The following ACAD11 variants were observed in gnomAD, a reference collection of about 807,000 sequenced individuals.
ACAD11 encodes the protein acyl-CoA dehydrogenase family member 11, also known as acyl-Coenzyme A dehydrogenase family, member 11.
A neutral mutation model predicts 102.2 loss-of-function variants in ACAD11; 83 were observed. The ratio of observed to expected loss-of-function variants is 0.81; its 90% confidence interval spans 0.68 to 0.97. The LOEUF (loss-of-function observed/expected upper bound fraction) is 0.97. ACAD11 is among the 50% of genes least tolerant of loss of function. ACAD11 has a pLI of 0.00. For synonymous variants in ACAD11, 324 were observed against 319.8 expected (o/e 1.01, Z -0.14); for missense variants, 901 against 951.7 (o/e 0.95, Z 0.70).
intron 17 of ACAD11, among the ~76,000 whole-genome samples, chr3:132,568,848 T>TA (rs1937296277): frequency 7.6e-6 from 1 of 131,446 alleles, no homozygotes; most frequent in East Asian, 2.2e-4. Context: ...CTAAGTTTCA[T>TA]ACAAAAGTTA....
At chr3:132,575,987 A>T in intron 16 of ACAD11, 61 bp from the exon 17 acceptor site, 1 of 1,575,292 alleles carries the variant, frequency 6.3e-7, no homozygotes, top group African/African-American at 1.3e-5. Flanking sequence ...TCCTTTTGTT[A>T]TTTATACAAA....
At chr3:132,602,971 T>G (rs2107824896) in intron 13 of ACAD11, among the ~76,000 whole-genome samples, 1 of 151,980 alleles carries the variant, frequency 6.6e-6, no homozygotes, top group South Asian at 2.1e-4. Flanking sequence ...CCTGGCTAAT[T>G]TTTGTATTTT....
intron 15 of ACAD11, chr3:132,578,594 T>A: frequency 4.9e-6 from 1 of 205,802 alleles, no homozygotes; most frequent in Non-Finnish European, 9.3e-6. Context: ...ATTTATATAA[T>A]TATAAATTAC....
chr3:132,592,252 TAG>T (rs1435574108), intron 13 of ACAD11, among the ~76,000 whole-genome samples: 7 of 152,172 alleles, frequency 4.6e-5, no homozygotes, highest in African/African-American at 1.4e-4. Flanking sequence ...CCTTCTTTTA[TAG>T]AGAGTTTTGC....
At chr3:132,616,060 C>T (rs1437341846) in intron 11 of ACAD11, among the ~76,000 whole-genome samples, 2 of 152,184 alleles carry the variant, frequency 1.3e-5, no homozygotes, top group African/African-American at 4.8e-5. Flanking sequence ...ATCAATTATA[C>T]TGCCTTCTTC....
chr3:132,572,732 C>A (rs911724884), intron 17 of ACAD11, among the ~76,000 whole-genome samples: 9 of 152,120 alleles, frequency 5.9e-5, no homozygotes, highest in African/African-American at 2.2e-4. Flanking sequence ...AGAAATGGGG[C>A]CACATACCTA....
intron 1 of ACAD11, among the ~76,000 whole-genome samples, chr3:132,648,047 G>A (rs1280531598): frequency 1.3e-5 from 2 of 152,142 alleles, no homozygotes; most frequent in African/African-American, 2.4e-5. Context: ...TACCTTAGGA[G>A]TAAGGATTTC....
intron 13 of ACAD11, among the ~76,000 whole-genome samples, chr3:132,583,800 G>A (rs567027886): frequency 2.0e-5 from 3 of 152,074 alleles, no homozygotes; most frequent in East Asian, 1.9e-4. Context: ...CCTTCATTTC[G>A]TTATGTACCT....
At chr3:132,612,939 T>C (rs952117439) in intron 11 of ACAD11, among the ~76,000 whole-genome samples, 3 of 152,018 alleles carry the variant, frequency 2.0e-5, no homozygotes, top group African/African-American at 4.8e-5. Context: ...ATGTTTATTG[T>C]GGCACTATTC....
At chr3:132,580,157 A>T (rs1322154337) in intron 13 of ACAD11, among the ~76,000 whole-genome samples, 2 of 152,102 alleles carry the variant, frequency 1.3e-5, no homozygotes, top group Non-Finnish European at 2.9e-5. Flanking sequence ...ACTGGATCAG[A>T]TTAAGTTAAA....
In ACAD11 at chr3:132,644,863, CTGGAGATAAAAGGTTGGAT is replaced by C. The variant is rs774147270; in HGVS notation, c.164_182del (p.Asn55ArgfsTer60). ...TGAGCACATATGTTTGAAAGCCCTT[CTGGAGATAAAAGGTTGGAT>C]TGGACTTTCCTGCTCTAGATAAAAG... On this transcript the variant is annotated frameshift_variant, in exon 2 of 20. Coordinates refer to ENST00000264990, the MANE Select transcript of ACAD11 (RefSeq NM_032169.5). LOFTEE classifies it high-confidence loss of function. 9.9e-6 allele frequency: 16 copies of C among 1,611,208 alleles called. No homozygotes were observed. The highest frequency in any genetic ancestry group is 2.5e-6 in the Non-Finnish European group (3 of 1,179,168).
At chr3:132,640,446 G>A (rs1244965645) in intron 4 of ACAD11, among the ~76,000 whole-genome samples, 2 of 152,084 alleles carry the variant, frequency 1.3e-5, no homozygotes, top group African/African-American at 4.8e-5. Flanking sequence ...TATTTTACAG[G>A]TATGAATAGT....
intron 1 of ACAD11, among the ~76,000 whole-genome samples, chr3:132,655,142 G>A (rs1353852631): frequency 6.6e-6 from 1 of 152,218 alleles, no homozygotes. Flanking sequence ...TATGCAGCAT[G>A]TGACTATATA....
chr3:132,571,472 T>C (rs1937379258), intron 17 of ACAD11, among the ~76,000 whole-genome samples: 2 of 152,160 alleles, frequency 1.3e-5, no homozygotes, highest in Admixed American at 1.3e-4. Context: ...CTGTTGATAG[T>C]TTCTTTTGCC....
intron 13 of ACAD11, among the ~76,000 whole-genome samples, chr3:132,582,060 CTTATA>C (rs1490846642): frequency 1.3e-5 from 2 of 151,592 alleles, no homozygotes; most frequent in Non-Finnish European, 1.5e-5. Flanking sequence ...TATACATATT[CTTATA>C]TTAAAGTAGA....
At chr3:132,595,099 G>T (rs1185842247) in intron 13 of ACAD11, among the ~76,000 whole-genome samples, 1 of 152,184 alleles carries the variant, frequency 6.6e-6, no homozygotes, top group Non-Finnish European at 1.5e-5. Flanking sequence ...CTGGTGGACT[G>T]GGAGTCCAGA....
intron 1 of ACAD11, among the ~76,000 whole-genome samples, chr3:132,648,231 C>G (rs1036155447): frequency 6.6e-6 from 1 of 152,164 alleles, no homozygotes; most frequent in Non-Finnish European, 1.5e-5. Flanking sequence ...CTATGCCTTT[C>G]CACCAGATAC....
chr3:132,559,042 C>T lies in ACAD11; in HGVS notation c.2272G>A (p.Glu758Lys), dbSNP rs369697472. ...GTTGCGATTGCTGAAAGATGAACTT[C>T]GTCAGGTCCATCTGCTAAACGCAAA... Reference protein sequence around the residue: ...RVLRLADGPDEVHLSAIATME... With the variant: ...RVLRLADGPDKVHLSAIATME... Residue 758 changes from glutamate to lysine, a missense_variant, in exon 20 of 20, where the codon GAA becomes AAA. Physicochemically the swap from Glu to Lys is moderately conservative, Grantham distance 56. Coordinates refer to ENST00000264990, the MANE Select transcript of ACAD11 (RefSeq NM_032169.5). 1.2e-5 allele frequency: 19 copies of T among 1,613,644 alleles called. No individual in the cohort carries two copies. The highest frequency in any genetic ancestry group is 8.8e-5 in the South Asian group (8 of 91,044).
At chr3:132,641,319 G>A (rs562802334) in intron 4 of ACAD11, among the ~76,000 whole-genome samples, 11 of 152,128 alleles carry the variant, frequency 7.2e-5, no homozygotes, top group Admixed American at 4.6e-4. Flanking sequence ...TGAGGCGGGC[G>A]GATCACGAGG....
Sources: gnomAD v4.1 joint callset for allele counts (sites outside exome capture counted in the v4.1 genomes callset) on GRCh38, gnomAD v4.1.1 for gene constraint, MANE v1.5 for transcripts, NCBI Gene and HGNC (gene_info 2026-07-23, HGNC 2026-07-21) for gene names.